The following ENO4 variants were observed in gnomAD, a reference collection of about 807,000 sequenced individuals.
ENO4 encodes the protein enolase 4.
Under a neutral mutation model 63.2 loss-of-function variants are expected in ENO4, and 53 were observed. The observed-to-expected ratio is 0.84, with a 90% CI of 0.67 to 1.05. The LOEUF is 1.05. ENO4 is among the 50% of genes least tolerant of loss of function. The pLI, the probability that ENO4 is intolerant of heterozygous loss-of-function variation, is 0.00. For missense variants in ENO4, 719 were observed against 772.0 expected (o/e 0.93, Z 0.81); for synonymous variants, 266 against 283.8 (o/e 0.94, Z 0.63).
intron 10 of ENO4, chr10:116,900,579 CA>C (rs1290983939): frequency 1.3e-6 from 2 of 1,533,026 alleles, no homozygotes; most frequent in Non-Finnish European, 1.7e-6. Flanking sequence ...TATACACACA[CA>C]CTGAAGCATT....
chr10:116,900,724 T>C (rs952124119), intron 10 of ENO4: 5 of 984,304 alleles, frequency 5.1e-6, no homozygotes, highest in African/African-American at 3.5e-5. Context: ...ATAGATCATC[T>C]TTCTGTTAGA....
chr10:116,907,941 A>G (rs952206222), intron 10 of ENO4: 1 of 516,168 alleles, frequency 1.9e-6, no homozygotes, highest in Non-Finnish European at 3.9e-6. Flanking sequence ...TAATAATTCT[A>G]CTGGCTAAAA....
intron 7 of ENO4, among the ~76,000 whole-genome samples, chr10:116,863,489 A>G (rs1311320540): frequency 6.6e-6 from 1 of 152,192 alleles, no homozygotes; most frequent in Non-Finnish European, 1.5e-5. Flanking sequence ...AAAATGGTAC[A>G]CTACTAATAA....
chr10:116,861,449 G>C (rs1846413215), intron 6 of ENO4, among the ~76,000 whole-genome samples: 1 of 152,068 alleles, frequency 6.6e-6, no homozygotes, highest in Admixed American at 6.5e-5. Flanking sequence ...GAGAAACTCT[G>C]CAGACCTAGA....
At position 116,892,306 on chromosome 10, in the gene ENO4, G is replaced by A. The variant is rs183716606; in HGVS notation, c.1194+12320G>A. On this transcript the variant is annotated intron_variant, in intron 10 of 10. Transcript: ENST00000369207. ...CTGGCACAAGGAGGTTCAGGAAACC[G>A]GACTATTCTCACAGCAAAAGCAACA... Among the ~76,000 whole-genome samples the A allele has an allele frequency of 3.2e-4, 49 of 152,278 alleles. 1 individual carries two copies. Among genetic ancestry groups the A allele is most frequent in the Admixed American group, 2.0e-3 (30 of 15,296 alleles).
At chr10:116,861,593 A>G (rs1846416358) in intron 6 of ENO4, among the ~76,000 whole-genome samples, 1 of 152,204 alleles carries the variant, frequency 6.6e-6, no homozygotes, top group Non-Finnish European at 1.5e-5. Flanking sequence ...CCTGGCACCT[A>G]TGAGACTTTT....
At position 116,852,034 on chromosome 10, in the gene ENO4, C is replaced by T. The variant is rs573341937; in HGVS notation, c.165+2303C>T. 4.6e-5 allele frequency among the ~76,000 whole-genome samples: 7 copies of T among 152,138 alleles called. No homozygotes were observed. In the South Asian group the frequency reaches 1.2e-3, roughly 27 times the overall value. ...CCACATATGACATGTGGGGAGGGAC[C>T]GGGTGGGAGGTAATTAAATTATGGG... On this transcript the variant is annotated intron_variant, in intron 1 of 13. Transcript: ENST00000341276.
At chr10:116,901,936 G>A (rs1196429810) in intron 10 of ENO4, 1 of 1,601,292 alleles carries the variant, frequency 6.2e-7, no homozygotes, top group Non-Finnish European at 8.5e-7. Flanking sequence ...GGACTCTGAG[G>A]TGGCTAATAT....
At chr10:116,894,853 G>A (rs912703157) in intron 10 of ENO4, among the ~76,000 whole-genome samples, 2 of 152,196 alleles carry the variant, frequency 1.3e-5, no homozygotes, top group Non-Finnish European at 2.9e-5. Context: ...GGGGAGAAAA[G>A]CAAGAGGGCA....
intron 6 of ENO4, among the ~76,000 whole-genome samples, chr10:116,861,627 A>C (rs1846417059): frequency 6.6e-6 from 1 of 152,180 alleles, no homozygotes; most frequent in Non-Finnish European, 1.5e-5. Flanking sequence ...GGAGTGAATA[A>C]ATCTCAAGTT....
rs753018891 is a variant in ENO4, at chr10:116,874,964, G to A, written c.1341+763G>A. On this transcript the variant is annotated intron_variant, in intron 10 of 13. Transcript: ENST00000341276. The stretch of plus-strand genomic sequence containing the variant: ...GCTAGAATTACAGGCATGAGCCACT[G>A]TGCCCGACCTGCAAAGCCATATTTT... Among the ~76,000 whole-genome samples the A allele has an allele frequency of 3.2e-4, 49 of 152,202 alleles. No homozygotes were observed. In the Middle Eastern group the frequency reaches 0.014, roughly 42 times the overall value.
At chr10:116,874,506 A>G (rs888641972) in intron 10 of ENO4, among the ~76,000 whole-genome samples, 11 of 152,190 alleles carry the variant, frequency 7.2e-5, no homozygotes, top group African/African-American at 2.4e-4. Flanking sequence ...GAGTACCTGT[A>G]TATTTACAAG....
At position 116,862,831 on chromosome 10, in the gene ENO4, TATCAACAAAATAATTGAAATG is replaced by T. The variant is rs1564847147; in HGVS notation, c.970_990del (p.Ile324_Met330del). On this transcript the variant is annotated inframe_deletion and splice_region_variant, in exon 7 of 14. Transcript: ENST00000341276. ...AGATGCTTATGGAAATGCAGAAACATATCAACAAAATAATTGAAATGGTATGTAAAGAGATTCTATGTTATC... is the reference window on the plus strand; with the variant it reads ...AGATGCTTATGGAAATGCAGAAACATGTATGTAAAGAGATTCTATGTTATC... 3.9e-6 allele frequency: 6 copies of T among 1,549,148 alleles called. No homozygotes were observed. Among genetic ancestry groups the T allele is most frequent in the Admixed American group, 2.0e-5 (1 of 50,978 alleles).
At chr10:116,903,444 G>C (rs1374176167) in intron 10 of ENO4, among the ~76,000 whole-genome samples, 4 of 151,962 alleles carry the variant, frequency 2.6e-5, no homozygotes, top group Admixed American at 2.0e-4. Context: ...AGAATCGCTT[G>C]AACTCAGGAG....
intron 11 of ENO4, among the ~76,000 whole-genome samples, chr10:116,878,829 T>C (rs764216941): frequency 8.8e-4 from 130 of 147,662 alleles, no homozygotes; most frequent in African/African-American, 1.6e-3. Flanking sequence ...CTGCAAGCTC[T>C]GCCTCCCGGG....
intron 10 of ENO4, among the ~76,000 whole-genome samples, chr10:116,890,456 A>G (rs144303413): frequency 1.7e-3 from 255 of 152,328 alleles, no homozygotes; most frequent in Admixed American, 3.3e-3. Context: ...ACACAGGACT[A>G]AACTAGTGGA....
intron 10 of ENO4, among the ~76,000 whole-genome samples, chr10:116,896,429 A>G (rs1847523748): frequency 6.6e-6 from 1 of 152,124 alleles, no homozygotes; most frequent in Non-Finnish European, 1.5e-5. Context: ...GAAAGAAGGA[A>G]GGCTAGGCCC....
Position 116,879,924 on chromosome 10 carries a change from G to A in ENO4, c.1661G>A (p.Arg554Gln). 3 of 1,550,720 alleles carry A rather than the reference G, an allele frequency of 1.9e-6. No homozygotes were observed. The highest frequency in any genetic ancestry group is 2.6e-6 in the Non-Finnish European group (3 of 1,147,006). Residue 554 changes from arginine to glutamine, a missense_variant, in exon 13 of 14, where the codon CGA (arginine) becomes CAA (glutamine). Around this residue, in one of 3 missense-constraint regions of ENO4, gnomAD observed 168 missense variants for 163.3 expected, o/e 1.03. Transcript: ENST00000341276. Reference protein sequence around the residue: ...IKLGGLSRGERVTKYNRLLTI... With the variant: ...IKLGGLSRGEQVTKYNRLLTI... ...TTGGGGGGTCTTTCCCGTGGTGAACGAGTGACTAAATACAACCGCCTTCTC... is the reference window on the plus strand; with the variant it reads ...TTGGGGGGTCTTTCCCGTGGTGAACAAGTGACTAAATACAACCGCCTTCTC...
chr10:116,909,693 A>C (rs984851401), intron 10 of ENO4, among the ~76,000 whole-genome samples: 1 of 152,226 alleles, frequency 6.6e-6, no homozygotes, highest in Non-Finnish European at 1.5e-5. Context: ...TGTTCAACTC[A>C]GAAAATAGAA....
Sources: allele counts gnomAD v4.1 joint callset (sites outside exome capture counted in the v4.1 genomes callset), GRCh38; gene constraint gnomAD v4.1.1; regional missense constraint gnomAD v4.1.1; transcripts MANE v1.5; gene names NCBI Gene and HGNC (gene_info 2026-07-23, HGNC 2026-07-21).